Variants in PCSK5 observed in about 807,000 individuals in gnomAD.
The protein encoded by PCSK5 is prohormone convertase 5.
PCSK5 carries 129 observed loss-of-function variants against 233.2 expected under a neutral mutation model. The observed-to-expected ratio is 0.55, with a 90% CI of 0.48 to 0.64. PCSK5 has a LOEUF of 0.64. Ranked by LOEUF, PCSK5 falls within the 30% of genes least tolerant of loss-of-function variation. PCSK5 has a pLI of 0.00. For missense variants in PCSK5, 2,076 were observed against 2,430.1 expected, an observed-to-expected ratio of 0.85 and a Z score of 3.06; for synonymous variants, 825 against 879.2, an observed-to-expected ratio of 0.94 and a Z score of 1.09.
chr9:75,908,854 C>T (rs921410878), intron 1 of PCSK5, among the ~76,000 whole-genome samples: 16 of 147,882 alleles, frequency 1.1e-4, no homozygotes, highest in Non-Finnish European at 1.7e-4. Context: ...ATCCGCCATC[C>T]ATGCATCCTT....
Position 76,027,899 on chromosome 9 carries a change from G to A in PCSK5, c.632+862G>A, listed in dbSNP as rs114392986. On this transcript the variant is annotated intron_variant, in intron 5 of 37. Coordinates refer to ENST00000674117, the MANE Select transcript of PCSK5 (RefSeq NM_001372043.1). ...ATAACATGCACTGAAGTTGCAAAGA[G>A]AACTGTTTAACCCATTTATTTTGTT... is the stretch of plus-strand genomic sequence containing the variant. 2.8e-3 allele frequency among the ~76,000 whole-genome samples: 431 copies of A among 152,218 alleles called. 2 individuals carry two copies. The highest frequency in any genetic ancestry group is 0.01 in the African/African-American group (416 of 41,546).
In PCSK5 at chr9:76,159,239, G is replaced by C. The variant is rs970389408; in HGVS notation, c.1619+68G>C. ...ACACTCGGCTATTCCTTAGGTAGAAGGGAACAGCTGCTGCTTTCACCTAAC... is the reference window on the plus strand; with the variant it reads ...ACACTCGGCTATTCCTTAGGTAGAACGGAACAGCTGCTGCTTTCACCTAAC... On this transcript the variant is annotated intron_variant, in intron 12 of 37. Coordinates refer to ENST00000674117, the MANE Select transcript of PCSK5 (RefSeq NM_001372043.1). 9 of 1,411,034 alleles carry C rather than the reference G, an allele frequency of 6.4e-6. No homozygotes were observed. In the Admixed American group the frequency reaches 1.3e-4, roughly 21 times the overall value. The allele number at this position is 1,411,034 out of a possible 1,614,324, so 87.4% of individuals were successfully genotyped here. A position where few individuals can be genotyped will look rare whatever the true frequency, so the allele number is the denominator to read the frequency against.
chr9:76,090,787 T>A (rs1463873625), intron 7 of PCSK5, among the ~76,000 whole-genome samples: 2 of 152,126 alleles, frequency 1.3e-5, no homozygotes, highest in Non-Finnish European at 1.5e-5. Context: ...ATTTCTCTTA[T>A]TACATTGTAA....
At chr9:76,271,040 T>C (rs145098132) in intron 24 of PCSK5, among the ~76,000 whole-genome samples, 5,126 of 152,080 alleles carry the variant, frequency 0.034, 137 homozygotes, top group Middle Eastern at 0.078. Flanking sequence ...TATCCCCAGA[T>C]CCCACTCCTG....
At chr9:75,938,813 C>T (rs1824174356) in intron 2 of PCSK5, among the ~76,000 whole-genome samples, 1 of 152,044 alleles carries the variant, frequency 6.6e-6, no homozygotes, top group South Asian at 2.1e-4. Context: ...AGGTCTCTTT[C>T]CTTTATCTTG....
chr9:75,896,107 C>G (rs956024195), intron 1 of PCSK5, among the ~76,000 whole-genome samples: 1 of 152,156 alleles, frequency 6.6e-6, no homozygotes, highest in African/African-American at 2.4e-5. Context: ...TCTTCATGCT[C>G]AAGATCCTCA....
intron 2 of PCSK5, among the ~76,000 whole-genome samples, chr9:75,944,808 T>C (rs1824486295): frequency 6.6e-6 from 1 of 152,060 alleles, no homozygotes; most frequent in South Asian, 2.1e-4. Flanking sequence ...GCACCTAAAA[T>C]GTAATAATAA....
chr9:76,290,842 G>A (rs1828255554), intron 24 of PCSK5, among the ~76,000 whole-genome samples: 1 of 152,174 alleles, frequency 6.6e-6, no homozygotes, highest in South Asian at 2.1e-4. Context: ...CCTGGAGTGG[G>A]CCATAGTTGC....
chr9:76,021,269 A>T (rs1828173649), intron 3 of PCSK5, among the ~76,000 whole-genome samples: 1 of 152,176 alleles, frequency 6.6e-6, no homozygotes, highest in African/African-American at 2.4e-5. Context: ...ACAGTCAACA[A>T]CAGTTTGGCA....
chr9:75,913,000 G>A (rs1005260430), intron 1 of PCSK5, among the ~76,000 whole-genome samples: 32 of 152,122 alleles, frequency 2.1e-4, no homozygotes, highest in Non-Finnish European at 4.6e-4. Context: ...TTCTTTCTCT[G>A]ATCCTCAGCT....
rs1006197575 is a variant in PCSK5 at position 76,186,378 on chromosome 9, CTTAAA to C, written c.2282+1625_2282+1629del. Among the ~76,000 whole-genome samples the C allele has an allele frequency of 1.2e-3, 144 of 124,136 alleles. 1 individual carries two copies. Among genetic ancestry groups the C allele is most frequent in the African/African-American group, 3.6e-3 (138 of 38,296 alleles). The allele number at this position is 124,136 out of a possible 152,430, so 81.4% of individuals were successfully genotyped here. ...CAAGTGCCAATTTTTCACATTTAGACTTAAATTAGTTAAAATTAAATTAAATAAAA... is the reference window on the plus strand; with the variant it reads ...CAAGTGCCAATTTTTCACATTTAGACTTAGTTAAAATTAAATTAAATAAAA... On this transcript the variant is annotated intron_variant, in intron 17 of 37. Coordinates refer to ENST00000674117, the MANE Select transcript of PCSK5 (RefSeq NM_001372043.1).
chr9:76,017,127 G>A (rs796880286), intron 3 of PCSK5, among the ~76,000 whole-genome samples: 9 of 152,260 alleles, frequency 5.9e-5, no homozygotes, highest in African/African-American at 2.2e-4. Context: ...TACCAAAAAC[G>A]TTTGGCCAGT....
At chr9:76,231,210 G>A (rs1216131282) in intron 21 of PCSK5, among the ~76,000 whole-genome samples, 1 of 152,176 alleles carries the variant, frequency 6.6e-6, no homozygotes, top group African/African-American at 2.4e-5. Flanking sequence ...GAAGTGCTGA[G>A]CAAAGGGGGA....
At chr9:76,037,210 A>G (rs899836719) in intron 5 of PCSK5, among the ~76,000 whole-genome samples, 21 of 152,170 alleles carry the variant, frequency 1.4e-4, no homozygotes, top group Non-Finnish European at 1.2e-4. Context: ...CAGACACAAG[A>G]CTGGGAAAGC....
At position 76,328,186 on chromosome 9, in the gene PCSK5, TG is replaced by T. The variant is rs774897500; in HGVS notation, c.4521del (p.Pro1508ArgfsTer11). On this transcript the variant is annotated frameshift_variant, in exon 33 of 38. Coordinates refer to ENST00000674117, the MANE Select transcript of PCSK5 (RefSeq NM_001372043.1). LOFTEE classifies it high-confidence loss of function. ...TGCCATGTTAAGTGCTTCCACTGCA[TG>T]GGGCCGGCGGAGGACCAGTGTCAAA... is the stretch of plus-strand genomic sequence containing the variant. ...KPCHVKCFHC[M>X]GPAEDQCQTC... 1.7e-5 allele frequency: 27 copies of T among 1,612,740 alleles called. No homozygotes were observed. The highest frequency in any genetic ancestry group is 1.9e-5 in the Non-Finnish European group (23 of 1,179,888).
intron 3 of PCSK5, among the ~76,000 whole-genome samples, chr9:76,016,172 G>T (rs1827940444): frequency 6.6e-6 from 1 of 152,240 alleles, no homozygotes; most frequent in Admixed American, 6.5e-5. Flanking sequence ...AACATGTAGT[G>T]CCAGAGGGCA....
intron 1 of PCSK5, among the ~76,000 whole-genome samples, chr9:75,912,776 TTGTC>T (rs568295553): frequency 4.9e-4 from 74 of 152,278 alleles, no homozygotes; most frequent in African/African-American, 1.8e-3. Context: ...GTGGAGAACA[TTGTC>T]TGTTCAGCTT....
chr9:76,126,334 C>T (rs1350833882), intron 9 of PCSK5, among the ~76,000 whole-genome samples: 1 of 152,208 alleles, frequency 6.6e-6, no homozygotes, highest in Non-Finnish European at 1.5e-5. Flanking sequence ...ATGAAATCAG[C>T]TGGGCGAGGT....
chr9:76,185,440 ATTTCT>A (rs1204336819), intron 17 of PCSK5, among the ~76,000 whole-genome samples: 1 of 152,120 alleles, frequency 6.6e-6, no homozygotes, highest in Non-Finnish European at 1.5e-5. Flanking sequence ...GCTGCACTGG[ATTTCT>A]TTTAAGTATT....
Sources: allele counts gnomAD v4.1 joint callset (sites outside exome capture counted in the v4.1 genomes callset), GRCh38; gene constraint gnomAD v4.1.1; transcripts MANE v1.5; gene names NCBI Gene and HGNC (gene_info 2026-07-23, HGNC 2026-07-21).